Variants in GALNTL6 observed in about 807,000 individuals in gnomAD.
GALNTL6 encodes the protein polypeptide N-acetylgalactosaminyltransferase like 6.
A neutral mutation model predicts 73.7 loss-of-function variants in GALNTL6; 46 were observed. The observed-to-expected ratio is 0.62, with a 90% CI of 0.49 to 0.80. The LOEUF is 0.80. GALNTL6 is among the 30% of genes least tolerant of loss of function. GALNTL6 has a pLI of 0.00. For synonymous variants in GALNTL6, 259 were observed against 263.7 expected (o/e 0.98, Z 0.17); for missense variants, 604 against 755.0 (o/e 0.80, Z 2.34).
chr4:172,615,323 G>C lies in GALNTL6; in HGVS notation c.554-194038G>C, dbSNP rs141411109. ...ATTGTTTTTCCTTTTTATTAAAAAT[G>C]AATCTCTTCTGCTGTTTTCAGCAGT... On this transcript the variant is annotated intron_variant, in intron 5 of 12. Coordinates refer to ENST00000506823, the MANE Select transcript of GALNTL6 (RefSeq NM_001034845.3). Among the ~76,000 whole-genome samples the C allele has an allele frequency of 2.9e-3, 439 of 152,052 alleles. 2 individuals carry two copies. Among genetic ancestry groups the C allele is most frequent in the African/African-American group, 9.8e-3 (405 of 41,486 alleles).
At chr4:172,744,617 G>A (rs894496400) in intron 5 of GALNTL6, among the ~76,000 whole-genome samples, 1 of 152,016 alleles carries the variant, frequency 6.6e-6, no homozygotes, top group East Asian at 1.9e-4. Context: ...AGGACAATTT[G>A]TCACTTCCCC....
At chr4:172,683,881 C>T (rs1732772501) in intron 5 of GALNTL6, among the ~76,000 whole-genome samples, 2 of 152,240 alleles carry the variant, frequency 1.3e-5, no homozygotes, top group African/African-American at 2.4e-5. Flanking sequence ...TTAGCTTTTT[C>T]GTGTTAGCAG....
intron 9 of GALNTL6, among the ~76,000 whole-genome samples, chr4:172,933,637 G>GT (rs999804415): frequency 9.9e-5 from 15 of 151,618 alleles, no homozygotes; most frequent in African/African-American, 2.7e-4. Flanking sequence ...ACATTTTATG[G>GT]TTTTTTTAAG....
chr4:172,267,285 A>G (rs952543067), intron 3 of GALNTL6, among the ~76,000 whole-genome samples: 1 of 152,110 alleles, frequency 6.6e-6, no homozygotes, highest in African/African-American at 2.4e-5. Context: ...AGGAAGTACC[A>G]TTTGTGTACA....
intron 2 of GALNTL6, among the ~76,000 whole-genome samples, chr4:172,078,448 C>T (rs545432656): frequency 3.3e-5 from 5 of 152,272 alleles, no homozygotes; most frequent in African/African-American, 7.2e-5. Flanking sequence ...ATAAATTACA[C>T]AGTCTCAGGT....
chr4:172,477,692 T>C (rs1345892929), intron 5 of GALNTL6, among the ~76,000 whole-genome samples: 1 of 152,234 alleles, frequency 6.6e-6, no homozygotes, highest in Non-Finnish European at 1.5e-5. Flanking sequence ...ATTCATCTAA[T>C]AACAAAACAG....
chr4:171,904,436 T>A (rs1459337066), intron 2 of GALNTL6, among the ~76,000 whole-genome samples: 3 of 151,750 alleles, frequency 2.0e-5, no homozygotes, highest in African/African-American at 7.3e-5. Context: ...AGAAGGGAAG[T>A]TCGGAGAAAA....
chr4:172,682,809 G>T (rs1411553278), intron 5 of GALNTL6, among the ~76,000 whole-genome samples: 1 of 151,964 alleles, frequency 6.6e-6, no homozygotes, highest in Non-Finnish European at 1.5e-5. Context: ...ATTGCAAACA[G>T]ATTTTTATTT....
intron 7 of GALNTL6, 67 bp downstream of exon 7, chr4:172,813,790 G>A (rs1741450621): frequency 6.6e-6 from 8 of 1,213,610 alleles, no homozygotes; most frequent in Non-Finnish European, 9.2e-6. Context: ...GTTAAACCTG[G>A]GCTCAAGAAG....
intron 2 of GALNTL6, among the ~76,000 whole-genome samples, chr4:171,945,905 T>C (rs1421007159): frequency 6.6e-6 from 1 of 152,142 alleles, no homozygotes; most frequent in Non-Finnish European, 1.5e-5. Context: ...TTACTGGATA[T>C]GAATCTTGAG....
In GALNTL6 at chr4:172,235,671, A is replaced by T. The variant is rs572018145; in HGVS notation, c.247+5907A>T. ...AACATTTATTTTTGTTTCAGGGGAT[A>T]TGTGTGCAGGTTTGTTATGAGGGTA... is the stretch of plus-strand genomic sequence containing the variant. On this transcript the variant is annotated intron_variant, in intron 3 of 12. Coordinates refer to ENST00000506823, the MANE Select transcript of GALNTL6 (RefSeq NM_001034845.3). Among the ~76,000 whole-genome samples, 4 of 152,032 alleles carry T rather than the reference A, an allele frequency of 2.6e-5. No individual in the cohort carries two copies. In the East Asian group the frequency reaches 5.8e-4, roughly 22 times the overall value.
At chr4:172,026,970 C>A (rs1247474330) in intron 2 of GALNTL6, among the ~76,000 whole-genome samples, 1 of 152,078 alleles carries the variant, frequency 6.6e-6, no homozygotes, top group Non-Finnish European at 1.5e-5. Flanking sequence ...CTCACTGCAG[C>A]CTCCACCTCC....
intron 3 of GALNTL6, among the ~76,000 whole-genome samples, chr4:172,281,407 C>A (rs1303673102): frequency 2.0e-5 from 3 of 151,936 alleles, no homozygotes; most frequent in Non-Finnish European, 4.4e-5. Flanking sequence ...TTATAAAAGA[C>A]CCTGTTGACC....
At chr4:172,089,307 G>T (rs1463385267) in intron 2 of GALNTL6, among the ~76,000 whole-genome samples, 2 of 152,158 alleles carry the variant, frequency 1.3e-5, no homozygotes, top group African/African-American at 4.8e-5. Context: ...CAGTTGCAAA[G>T]ATTTTTTTAT....
At chr4:171,923,628 G>A (rs531193626) in intron 2 of GALNTL6, among the ~76,000 whole-genome samples, 45 of 149,210 alleles carry the variant, frequency 3.0e-4, no homozygotes, top group East Asian at 2.2e-3. Flanking sequence ...GGATGGTCTC[G>A]ATCTCCTGAC....
intron 2 of GALNTL6, among the ~76,000 whole-genome samples, chr4:172,103,062 T>C (rs901403911): frequency 6.6e-6 from 1 of 152,110 alleles, no homozygotes; most frequent in Non-Finnish European, 1.5e-5. Flanking sequence ...GGAAAACAAA[T>C]ATACATAAAA....
intron 5 of GALNTL6, among the ~76,000 whole-genome samples, chr4:172,531,068 A>G (rs886629797): frequency 1.3e-5 from 2 of 152,200 alleles, no homozygotes; most frequent in African/African-American, 4.8e-5. Flanking sequence ...GATCACACCA[A>G]TTACCACTAA....
intron 6 of GALNTL6, 40 bp from the exon 7 acceptor site, chr4:172,813,500 G>C: frequency 6.6e-7 from 1 of 1,523,366 alleles, no homozygotes; most frequent in Non-Finnish European, 9.0e-7. Context: ...GATGACCTAG[G>C]CAGGCATGTC....
chr4:172,936,156 A>G (rs1376630197), intron 9 of GALNTL6, among the ~76,000 whole-genome samples: 2 of 152,234 alleles, frequency 1.3e-5, no homozygotes, highest in East Asian at 1.9e-4. Context: ...AATCCATCAC[A>G]TAAGCAGAAC....
Sources: gnomAD v4.1 joint callset for allele counts (sites outside exome capture counted in the v4.1 genomes callset) on GRCh38, gnomAD v4.1.1 for gene constraint, MANE v1.5 for transcripts, NCBI Gene and HGNC (gene_info 2026-07-23, HGNC 2026-07-21) for gene names.